The following ABCC9 variants were observed in gnomAD, a reference collection of about 807,000 sequenced individuals.
ABCC9 encodes the protein ATP binding cassette subfamily C member 9.
In ABCC9, 95 loss-of-function variants were observed where a neutral mutation model predicts 188.3. That is an observed-to-expected ratio of 0.50 (90% CI 0.43 to 0.60). The LOEUF is 0.60. Ranked by LOEUF, ABCC9 falls within the 20% of genes least tolerant of loss-of-function variation. The pLI is 0.00. For synonymous variants in ABCC9, 659 were observed against 652.7 expected (o/e 1.01, Z -0.15); for missense variants, 1,102 against 1,876.3 (o/e 0.59, Z 7.62).
At chr12:21,898,222 T>A (rs938777618) in intron 12 of ABCC9, among the ~76,000 whole-genome samples, 1 of 152,266 alleles carries the variant, frequency 6.6e-6, no homozygotes, top group East Asian at 1.9e-4. Context: ...TTAAATGAGA[T>A]GGTATATGAA....
chr12:21,802,108 A>G lies in ABCC9; in HGVS notation c.4513-927T>C, dbSNP rs185284764. Among the ~76,000 whole-genome samples, 243 of 152,260 alleles carry G rather than the reference A, an allele frequency of 1.6e-3. 1 individual carries two copies. Among genetic ancestry groups the G allele is most frequent in the Non-Finnish European group, 8.5e-4 (58 of 68,022 alleles). ...CTCTGAAGATAAACTGGGCTTGTGTATTTTGGCTTTACCACCTGTTAGTAG... is the reference window on the plus strand; with the variant it reads ...CTCTGAAGATAAACTGGGCTTGTGTGTTTTGGCTTTACCACCTGTTAGTAG... On this transcript the variant is annotated intron_variant, in intron 39 of 39. Coordinates refer to ENST00000261200, the MANE Select transcript of ABCC9 (RefSeq NM_020297.4).
chr12:21,886,946 C>T (rs1287822454), intron 15 of ABCC9, among the ~76,000 whole-genome samples: 1 of 152,078 alleles, frequency 6.6e-6, no homozygotes, highest in Non-Finnish European at 1.5e-5. Context: ...AAATGACCAC[C>T]CTGCTTCAAG....
At chr12:21,933,974 A>AT in intron 3 of ABCC9, 51 bp from the exon 4 acceptor site, 1 of 1,602,986 alleles carries the variant, frequency 6.2e-7, no homozygotes. Context: ...CGAAGGCTCA[A>AT]TTGTAATAAA....
At chr12:21,859,822 T>A (rs1262382403) in intron 21 of ABCC9, among the ~76,000 whole-genome samples, 156 bp from the exon 22 acceptor site, 2 of 152,194 alleles carry the variant, frequency 1.3e-5, no homozygotes, top group Non-Finnish European at 2.9e-5. Context: ...ACATGGAAAC[T>A]GTCTACTGGC....
intron 31 of ABCC9, among the ~76,000 whole-genome samples, chr12:21,822,417 T>C (rs560886983): frequency 6.6e-6 from 1 of 152,126 alleles, no homozygotes; most frequent in African/African-American, 2.4e-5. Flanking sequence ...ACTACACTTT[T>C]CAAAAAATAT....
chr12:21,812,131 T>C lies in ABCC9; in HGVS notation c.4129A>G (p.Ile1377Val), dbSNP rs1565687632. 9.3e-6 allele frequency: 15 copies of C among 1,612,422 alleles called. No homozygotes were observed. Among genetic ancestry groups the C allele is most frequent in the Non-Finnish European group, 1.3e-5 (15 of 1,178,632 alleles). The stretch of plus-strand genomic sequence containing the variant: ...AGTGTGTGCAGTGGTAATTTGGAAA[T>C]GTCTATCCCATCAATGACAATTTTT... Reference protein sequence around the residue: ...DGKIVIDGIDISKLPLHTLRS... With the variant: ...DGKIVIDGIDVSKLPLHTLRS... The change falls in exon 36 of 40, where the codon ATT becomes GTT. Residue 1377 changes from isoleucine (I) to valine (V), a missense_variant. Coordinates refer to ENST00000261200, the MANE Select transcript of ABCC9 (RefSeq NM_020297.4).
intron 33 of ABCC9, among the ~76,000 whole-genome samples, chr12:21,816,111 T>C (rs1942631523): frequency 7.4e-6 from 1 of 135,980 alleles, no homozygotes; most frequent in African/African-American, 2.7e-5. Context: ...AAACACCTTT[T>C]GATTACGCAC....
chr12:21,815,651 A>G, intron 34 of ABCC9, 112 bp downstream of exon 34: 1 of 1,325,436 alleles, frequency 7.5e-7, no homozygotes, highest in Non-Finnish European at 1.1e-6. Flanking sequence ...GACCTACATC[A>G]GGTAGGGAAT....
At chr12:21,937,117 CAAAA>C in intron 2 of ABCC9, among the ~76,000 whole-genome samples, 1 of 152,100 alleles carries the variant, frequency 6.6e-6, no homozygotes, top group African/African-American at 2.4e-5. Context: ...TAATAAACAA[CAAAA>C]GTTGTTCAGT....
At chr12:21,808,795 A>AAAAAG (rs1942035101) in intron 37 of ABCC9, among the ~76,000 whole-genome samples, 1 of 151,540 alleles carries the variant, frequency 6.6e-6, no homozygotes, top group African/African-American at 2.4e-5. Flanking sequence ...AAAAAAAAAA[A>AAAAAG]AAAAGAAAAA....
intron 4 of ABCC9, among the ~76,000 whole-genome samples, chr12:21,930,199 G>C (rs948849501): frequency 6.6e-6 from 1 of 152,188 alleles, no homozygotes; most frequent in Admixed American, 6.5e-5. Flanking sequence ...TGGTGTATAT[G>C]TGCCACATTT....
intron 15 of ABCC9, among the ~76,000 whole-genome samples, chr12:21,886,250 C>A (rs930685132): frequency 6.6e-6 from 1 of 151,956 alleles, no homozygotes; most frequent in African/African-American, 2.4e-5. Context: ...CAAAATGTAC[C>A]TCTTGATTCT....
intron 16 of ABCC9, among the ~76,000 whole-genome samples, chr12:21,880,945 C>T (rs1326613306): frequency 6.6e-6 from 1 of 151,972 alleles, no homozygotes; most frequent in Non-Finnish European, 1.5e-5. Flanking sequence ...TAGAATGGAA[C>T]AATTTGTACA....
chr12:21,817,281 C>T lies in ABCC9; in HGVS notation c.3798G>A (p.Val1266=). Residue 1266 remains valine (V), a synonymous_variant, in exon 33 of 40, where the codon GTG becomes GTA. Transcript: ENST00000261200. ...GGACCTCCAGGTCAGCCAAGTTCCT[C>T]ACAACCCAATTCAAATAATTGGTTA... ...LTITNYLNWV[V]RNLADLEVQM... 1.2e-6 allele frequency: 2 copies of T among 1,613,794 alleles called. No homozygotes were observed. The highest frequency in any genetic ancestry group is 1.7e-6 in the Non-Finnish European group (2 of 1,179,820).
chr12:21,860,598 A>G (rs1052736373), intron 21 of ABCC9, among the ~76,000 whole-genome samples: 2 of 152,208 alleles, frequency 1.3e-5, no homozygotes, highest in Non-Finnish European at 2.9e-5. Context: ...AGAGCACTTT[A>G]ATAAGAATAA....
chr12:21,894,754 G>A (rs1947320679), intron 13 of ABCC9, among the ~76,000 whole-genome samples: 1 of 152,124 alleles, frequency 6.6e-6, no homozygotes, highest in Non-Finnish European at 1.5e-5. Context: ...GGGACTACAG[G>A]CATGCGCCAT....
chr12:21,902,819 A>T (rs1405798338), intron 12 of ABCC9, among the ~76,000 whole-genome samples: 1 of 152,220 alleles, frequency 6.6e-6, no homozygotes, highest in Non-Finnish European at 1.5e-5. Context: ...AACCAAAAAC[A>T]GTCCAGGACC....
chr12:21,876,245 T>A (rs1260537214), intron 16 of ABCC9, among the ~76,000 whole-genome samples: 1 of 152,144 alleles, frequency 6.6e-6, no homozygotes, highest in African/African-American at 2.4e-5. Flanking sequence ...TCTCTGAAAA[T>A]TTGGGATTAC....
chr12:21,847,307 C>G (rs550947158), intron 25 of ABCC9, among the ~76,000 whole-genome samples: 3 of 152,136 alleles, frequency 2.0e-5, no homozygotes, highest in East Asian at 3.9e-4. Context: ...TTTACAGCAC[C>G]AAAAATTCTT....
Sources: allele counts gnomAD v4.1 joint callset (sites outside exome capture counted in the v4.1 genomes callset), GRCh38; gene constraint gnomAD v4.1.1; transcripts MANE v1.5; gene names NCBI Gene and HGNC (gene_info 2026-07-23, HGNC 2026-07-21).